Variants in MGA observed in about 807,000 individuals in gnomAD.
MGA encodes the protein MAX dimerization protein MGA, also known as MAX gene-associated protein.
MGA carries 40 observed loss-of-function variants against 261.1 expected under a neutral mutation model. That is an observed-to-expected ratio of 0.15 (90% confidence interval 0.12 to 0.20). MGA has a LOEUF of 0.20. Among genes scored for constraint, MGA ranks in the 10% least tolerant of loss-of-function variants. The probability of loss-of-function intolerance (pLI) is 1.00; values close to 1 mark genes in which losing one functional copy is unlikely to be tolerated. For synonymous variants in MGA, 1,302 were observed against 1,290.6 expected (o/e 1.01, Z -0.19); for missense variants, 3,397 against 3,630.5 (o/e 0.94, Z 1.65).
At chr15:41,683,576 ATTTT>A (rs538776351) in intron 2 of MGA, among the ~76,000 whole-genome samples, 3 of 126,910 alleles carry the variant, frequency 2.4e-5, no homozygotes, top group African/African-American at 2.9e-5. Flanking sequence ...TGAATCCCCA[ATTTT>A]TTTTTTTTTT....
In MGA at chr15:41,674,521, ATTTTTATTTTTT is replaced by A. The variant is rs370821672; in HGVS notation, c.1064+4570_1064+4581del. On this transcript the variant is annotated intron_variant, in intron 2 of 23. Coordinates refer to ENST00000219905, the MANE Select transcript of MGA (RefSeq NM_001164273.2). The stretch of plus-strand genomic sequence containing the variant: ...CTTAATAGTGATTATTCTTATTTTT[ATTTTTATTTTTT>A]TTTTTAGACAGAGTCTTGCTGTGTC... Among the ~76,000 whole-genome samples the A allele has an allele frequency of 1.0e-3, 154 of 149,684 alleles. 1 individual carries two copies. Among genetic ancestry groups the A allele is most frequent in the African/African-American group, 3.6e-3 (147 of 40,366 alleles).
At chr15:41,643,163 C>G (rs1325408629) in intron 1 of MGA, among the ~76,000 whole-genome samples, 2 of 150,314 alleles carry the variant, frequency 1.3e-5, no homozygotes, top group African/African-American at 2.4e-5. Flanking sequence ...CTTGGCCTCT[C>G]AAAGTGCTGG....
intron 1 of MGA, among the ~76,000 whole-genome samples, chr15:41,647,376 G>T (rs1012944466): frequency 1.3e-5 from 2 of 152,116 alleles, no homozygotes; most frequent in African/African-American, 2.4e-5. Context: ...CTGAGCACTA[G>T]ACCCTGATAT....
At chr15:41,731,428 A>T (rs1309851390) in intron 11 of MGA, among the ~76,000 whole-genome samples, 4 of 152,124 alleles carry the variant, frequency 2.6e-5, no homozygotes, top group African/African-American at 9.7e-5. Context: ...ACATTTTCAT[A>T]AAAACTCTTT....
intron 9 of MGA, among the ~76,000 whole-genome samples, chr15:41,715,322 C>G (rs6493010): frequency 0.76 from 114,682 of 151,394 alleles, 44,596 homozygotes; most frequent in East Asian, 0.89. Flanking sequence ...GCTAATTTTT[C>G]TATTTTTAGT....
chr15:41,661,208 G>T (rs2057376637), intron 1 of MGA, among the ~76,000 whole-genome samples: 1 of 152,154 alleles, frequency 6.6e-6, no homozygotes, highest in Non-Finnish European at 1.5e-5. Flanking sequence ...GGAAGAGCAG[G>T]TGTTATTTTC....
At chr15:41,739,873 C>A in intron 13 of MGA, 33 bp from the exon 14 acceptor site, 1 of 1,591,850 alleles carries the variant, frequency 6.3e-7, no homozygotes, top group South Asian at 1.1e-5. Context: ...AGAATTTTAT[C>A]TTTACAGAAT....
At chr15:41,763,092 CTTTTTTTTTTT>C (rs71108131) in intron 22 of MGA, among the ~76,000 whole-genome samples, 1 of 63,954 alleles carries the variant, frequency 1.6e-5, no homozygotes, top group Non-Finnish European at 2.9e-5. Flanking sequence ...TTCTTTCTTC[CTTTTTTTTTTT>C]TTTTTTTTTT....
intron 15 of MGA, among the ~76,000 whole-genome samples, chr15:41,748,107 A>G (rs1201313130): frequency 2.0e-5 from 3 of 152,044 alleles, no homozygotes; most frequent in Non-Finnish European, 2.9e-5. Flanking sequence ...GAATAACATA[A>G]TTAGCCAGGT....
chr15:41,721,739 A>G (rs2060949738), intron 9 of MGA, among the ~76,000 whole-genome samples: 1 of 152,208 alleles, frequency 6.6e-6, no homozygotes, highest in Admixed American at 6.5e-5. Flanking sequence ...ACAATGGGAA[A>G]TCTCCTACAC....
At chr15:41,697,813 C>T (rs2059618420) in intron 3 of MGA, among the ~76,000 whole-genome samples, 1 of 152,104 alleles carries the variant, frequency 6.6e-6, no homozygotes, top group Admixed American at 6.6e-5. Context: ...CTGTTTATTC[C>T]ACTCTGACTC....
chr15:41,645,150 A>G (rs781780452), intron 1 of MGA, among the ~76,000 whole-genome samples: 2 of 152,194 alleles, frequency 1.3e-5, no homozygotes, highest in South Asian at 2.1e-4. Flanking sequence ...GCAAATGTTC[A>G]TCTGTTATTA....
At chr15:41,711,549 CAGAG>C (rs1051607616) in intron 8 of MGA, among the ~76,000 whole-genome samples, 200 bp downstream of exon 8, 1 of 151,674 alleles carries the variant, frequency 6.6e-6, no homozygotes, top group Non-Finnish European at 1.5e-5. Flanking sequence ...CTCCTGCCAT[CAGAG>C]AGAGAGAGTA....
rs761102769 is a variant in MGA at position 41,711,080 on chromosome 15, A to G, written c.2815A>G (p.Thr939Ala). The G allele has an allele frequency of 6.2e-7, 1 of 1,614,058 alleles. No homozygotes were observed. Among genetic ancestry groups the G allele is most frequent in the African/African-American group, 1.3e-5 (1 of 75,076 alleles). ...TCATGTGATTCTAGGAGATAAGGTTACCAAGAATTCTTCAGGCATCATCTC... is the reference window on the plus strand; with the variant it reads ...TCATGTGATTCTAGGAGATAAGGTTGCCAAGAATTCTTCAGGCATCATCTC... Residue 939 changes from threonine (T) to alanine (A), a missense_variant, in exon 8 of 24, where the codon ACC (threonine) becomes GCC (alanine). Thr to Ala is a moderately conservative substitution (Grantham distance 58). Transcript: ENST00000219905.
intron 2 of MGA, among the ~76,000 whole-genome samples, chr15:41,687,089 G>C (rs1381132646): frequency 6.6e-6 from 1 of 151,690 alleles, no homozygotes; most frequent in South Asian, 2.1e-4. Context: ...GAGTTTTCTT[G>C]TTGGCAGAAT....
chr15:41,636,157 T>C, intron 1 of MGA, among the ~76,000 whole-genome samples: 1 of 152,072 alleles, frequency 6.6e-6, no homozygotes, highest in East Asian at 1.9e-4. Flanking sequence ...TTTTTTTTTA[T>C]AGACAGGGTT....
chr15:41,693,259 T>G (rs1440168861), intron 2 of MGA, among the ~76,000 whole-genome samples: 1 of 151,634 alleles, frequency 6.6e-6, no homozygotes, highest in Non-Finnish European at 1.5e-5. Context: ...CTGCACCCAC[T>G]AACTCGTCAT....
intron 1 of MGA, among the ~76,000 whole-genome samples, chr15:41,633,448 G>C (rs1360998153): frequency 6.6e-6 from 1 of 151,108 alleles, no homozygotes; most frequent in Non-Finnish European, 1.5e-5. Flanking sequence ...CTGCCTCCTG[G>C]GCTCAAGTGA....
At chr15:41,762,085 G>T (rs1596017915) in intron 21 of MGA, 44 bp from the exon 22 acceptor site, 2 of 1,439,936 alleles carry the variant, frequency 1.4e-6, no homozygotes, top group Non-Finnish European at 1.9e-6. Context: ...TTCTCATTAT[G>T]TGGCGTAATG....
Sources: gnomAD v4.1 joint callset for allele counts (sites outside exome capture counted in the v4.1 genomes callset) on GRCh38, gnomAD v4.1.1 for gene constraint, MANE v1.5 for transcripts, NCBI Gene and HGNC (gene_info 2026-07-23, HGNC 2026-07-21) for gene names.